The following DCAF16 variants were observed in gnomAD, a reference collection of about 807,000 sequenced individuals.
DCAF16 encodes DDB1 and CUL4 associated factor 16.
Under a neutral mutation model 17.3 loss-of-function variants are expected in DCAF16, and 10 were observed. That is an observed-to-expected ratio of 0.58 (90% confidence interval 0.36 to 0.98). The LOEUF (loss-of-function observed/expected upper bound fraction) is 0.98, where lower values mean the gene tolerates loss of function less well. Among genes scored for constraint, DCAF16 ranks in the 50% least tolerant of loss-of-function variants. The pLI is 0.01. For missense variants in DCAF16, 249 were observed against 247.6 expected (o/e 1.01, Z -0.04); for synonymous variants, 111 against 92.8 (o/e 1.20, Z -1.12).
At chr4:17,810,150 TTCTG>T (rs887526845) in intron 1 of DCAF16, among the ~76,000 whole-genome samples, 2 of 152,152 alleles carry the variant, frequency 1.3e-5, no homozygotes, top group African/African-American at 2.4e-5. Context: ...CCAACAGAAG[TTCTG>T]TCTGATATAA....
rs778341752 is a variant in DCAF16, at chr4:17,803,677, T to C, written c.465A>G (p.Thr155=). 6 of 1,614,232 alleles carry C rather than the reference T, an allele frequency of 3.7e-6. No homozygotes were observed. Among genetic ancestry groups the C allele is most frequent in the East Asian group, 2.2e-5 (1 of 44,890 alleles). Residue 155 remains threonine, a synonymous_variant, in exon 3 of 3, where the codon ACA becomes ACG. Transcript: ENST00000382247. ...LQFATKQLSR[T]LSRATPIPEY... ...CAGGTATGGGAGTGGCTCTACTCAA[T>C]GTTCGGCTTAGCTGTTTGGTGGCAA...
chr4:17,794,130 C>T, the DCAF16 span, among the ~76,000 whole-genome samples: 37 of 151,994 alleles, frequency 2.4e-4, no homozygotes, highest in African/African-American at 6.8e-4. Context: ...AAAACAGTAT[C>T]GAATTTCAGA....
At position 17,801,550 on chromosome 4, in the gene DCAF16, C is replaced by T. The variant is rs191767714; in HGVS notation, c.*1941G>A. 1 of 152,264 alleles carries T rather than the reference C, an allele frequency of 6.6e-6. No homozygotes were observed. Among genetic ancestry groups the T allele is most frequent in the East Asian group, 1.9e-4 (1 of 5,178 alleles). The allele number at this position is 152,264 out of a possible 1,614,324, so 9.4% of individuals were successfully genotyped here. On this transcript the variant is annotated 3_prime_UTR_variant, in exon 3 of 3. Transcript: ENST00000382247. Reference sequence around the variant, plus strand: ...TTTTCACAATCTCTTTTCTGATTCCCTTTAGATGCCCAGTCAACCAGGACC... The same window carrying T: ...TTTTCACAATCTCTTTTCTGATTCCTTTTAGATGCCCAGTCAACCAGGACC...
At chr4:17,796,956 C>A, downstream of DCAF16, among the ~76,000 whole-genome samples, 1 of 152,088 alleles carries the variant, frequency 6.6e-6, no homozygotes, top group East Asian at 1.9e-4. Context: ...CCCCCAGTCT[C>A]TTATTATTAA....
At chr4:17,798,526 G>T (rs2109010637), downstream of DCAF16, among the ~76,000 whole-genome samples, 1 of 151,932 alleles carries the variant, frequency 6.6e-6, no homozygotes, top group East Asian at 1.9e-4. Flanking sequence ...AGCCCAGGAG[G>T]TCGAGGCTGC....
intron 1 of DCAF16, among the ~76,000 whole-genome samples, 178 bp downstream of exon 1, chr4:17,810,269 T>C (rs1186212799): frequency 1.3e-5 from 2 of 152,240 alleles, no homozygotes; most frequent in East Asian, 3.9e-4. Flanking sequence ...ACTGTCCTTA[T>C]GCACACTTGT....
chr4:17,809,308 GTTAA>G (rs1720635207), intron 1 of DCAF16: 1 of 152,064 alleles, frequency 6.6e-6, no homozygotes, highest in South Asian at 2.1e-4. Flanking sequence ...CATAATAAAG[GTTAA>G]TTAAGTGCAA....
chr4:17,795,122 C>A, the DCAF16 span, among the ~76,000 whole-genome samples: 5 of 152,076 alleles, frequency 3.3e-5, no homozygotes, highest in Admixed American at 1.3e-4. Flanking sequence ...TATTTTAGCC[C>A]CACTCTTGAT....
rs1451683686 is a variant in DCAF16 at position 17,801,103 on chromosome 4, T to C, written c.*2388A>G. ...AAGCATTCTTCTCTCTTCTTAAAGT[T>C]GCTATATATTTACACAATTTGTGAT... is the stretch of plus-strand genomic sequence containing the variant. On this transcript the variant is annotated 3_prime_UTR_variant, in exon 3 of 3. Transcript: ENST00000382247. 1 of 152,168 alleles carries C rather than the reference T, an allele frequency of 6.6e-6. No homozygotes were observed. The highest frequency in any genetic ancestry group is 2.4e-5 in the African/African-American group (1 of 41,438). The allele number at this position is 152,168 out of a possible 1,614,324, so 9.4% of individuals were successfully genotyped here. A position where few individuals can be genotyped will look rare whatever the true frequency, so the allele number is the denominator to read the frequency against.
chr4:17,802,945 G>A lies in DCAF16; in HGVS notation c.*546C>T, dbSNP rs1398621541. ...CTCATTAAAGCCATTCAGAAAGGCA[G>A]AGTAAATTGGGGTGGGGAGGGTGAG... On this transcript the variant is annotated 3_prime_UTR_variant, in exon 3 of 3. Coordinates refer to ENST00000382247, the MANE Select transcript of DCAF16 (RefSeq NM_017741.4). 6.5e-6 allele frequency: 1 copy of A among 153,408 alleles called. No homozygotes were observed. The highest frequency in any genetic ancestry group is 1.4e-5 in the Non-Finnish European group (1 of 68,988). The allele number at this position is 153,408 out of a possible 1,614,324, so 9.5% of individuals were successfully genotyped here.
At chr4:17,800,226 T>C (rs923349543), downstream of DCAF16, among the ~76,000 whole-genome samples, 43 of 152,218 alleles carry the variant, frequency 2.8e-4, no homozygotes, top group African/African-American at 9.1e-4. Context: ...AGAAATAGTT[T>C]CCTTACTCCT....
chr4:17,795,437 AT>A, the DCAF16 span, among the ~76,000 whole-genome samples: 1 of 151,232 alleles, frequency 6.6e-6, no homozygotes, highest in African/African-American at 2.5e-5. Context: ...GGGAAATGTT[AT>A]TTTAATTTTT....
downstream of DCAF16, among the ~76,000 whole-genome samples, chr4:17,796,816 G>A (rs1334994778): frequency 1.3e-5 from 2 of 151,982 alleles, no homozygotes; most frequent in South Asian, 2.1e-4. Flanking sequence ...TAAATACCAC[G>A]TGTCTCCTAT....
rs1719861176 is a variant in DCAF16, at chr4:17,802,252, T to C, written c.*1239A>G. 6.6e-6 allele frequency: 1 copy of C among 152,636 alleles called. No individual in the cohort carries two copies. The highest frequency in any genetic ancestry group is 1.5e-5 in the Non-Finnish European group (1 of 68,044). 9.5% of individuals were successfully genotyped at this position (152,636 alleles called of 1,614,324 possible). Reference sequence around the variant, plus strand: ...GCTGAAAGCAGAAATGCTCTCTTAATCATTTTTCCATTCATCTTTTGAAAT... The same window carrying C: ...GCTGAAAGCAGAAATGCTCTCTTAACCATTTTTCCATTCATCTTTTGAAAT... On this transcript the variant is annotated 3_prime_UTR_variant, in exon 3 of 3. Transcript: ENST00000382247.
At chr4:17,807,575 T>C (rs949158469) in intron 1 of DCAF16, among the ~76,000 whole-genome samples, 2 of 152,152 alleles carry the variant, frequency 1.3e-5, no homozygotes, top group East Asian at 1.9e-4. Context: ...CTTTTGGGCA[T>C]AGATAGCAAA....
the DCAF16 span, among the ~76,000 whole-genome samples, chr4:17,794,103 A>G: frequency 6.6e-6 from 1 of 152,182 alleles, no homozygotes. Context: ...TGATAGCAAA[A>G]ATAGCATGGA....
Position 17,803,214 on chromosome 4 carries a change from A to C in DCAF16, c.*277T>G, listed in dbSNP as rs1719960840. 2.6e-6 allele frequency: 1 copy of C among 382,218 alleles called. No individual in the cohort carries two copies. Among genetic ancestry groups the C allele is most frequent in the Non-Finnish European group, 4.8e-6 (1 of 207,784 alleles). The allele number at this position is 382,218 out of a possible 1,614,324, so 23.7% of individuals were successfully genotyped here. ...TAATTTTTTTATTTTTAGTAGAGAC[A>C]GGGTTTCACTGTGTTGGCAAGGCTG... On this transcript the variant is annotated 3_prime_UTR_variant, in exon 3 of 3. Transcript: ENST00000382247.
Position 17,803,318 on chromosome 4 carries a change from C to T in DCAF16, c.*173G>A. ...GGGATTACAGGTGTGAGCCACCATGCCTGACCTTGATATTATCATTTTATC... is the reference window on the plus strand; with the variant it reads ...GGGATTACAGGTGTGAGCCACCATGTCTGACCTTGATATTATCATTTTATC... On this transcript the variant is annotated 3_prime_UTR_variant, in exon 3 of 3. Coordinates refer to ENST00000382247, the MANE Select transcript of DCAF16 (RefSeq NM_017741.4). 1.5e-6 allele frequency: 1 copy of T among 651,748 alleles called. No homozygotes were observed. Among genetic ancestry groups the T allele is most frequent in the Non-Finnish European group, 2.6e-6 (1 of 381,386 alleles). The allele number at this position is 651,748 out of a possible 1,614,324, so 40.4% of individuals were successfully genotyped here.
chr4:17,794,098 G>C, the DCAF16 span, among the ~76,000 whole-genome samples: 2 of 152,040 alleles, frequency 1.3e-5, no homozygotes, highest in African/African-American at 2.4e-5. Flanking sequence ...TATCTTGATA[G>C]CAAAAATAGC....
Sources: allele counts gnomAD v4.1 joint callset (sites outside exome capture counted in the v4.1 genomes callset), GRCh38; gene constraint gnomAD v4.1.1; transcripts MANE v1.5; gene names NCBI Gene and HGNC (gene_info 2026-07-23, HGNC 2026-07-21).